GJB7: variants seen among roughly 807,000 people sequenced by gnomAD.
The protein encoded by GJB7 is gap junction beta-7 protein.
For synonymous variants in GJB7, 87 were observed against 95.2 expected (o/e 0.91, Z 0.50); for missense variants, 253 against 256.8 (o/e 0.99, Z 0.10).
chr6:87,325,305 TG>T (rs778250752), intron 1 of GJB7, among the ~76,000 whole-genome samples: 1 of 145,304 alleles, frequency 6.9e-6, no homozygotes, highest in African/African-American at 2.6e-5. Context: ...AACACTATGT[TG>T]AATAGGAGTG....
chr6:87,309,061 C>T (rs1446330501), intron 2 of GJB7, among the ~76,000 whole-genome samples: 1 of 152,154 alleles, frequency 6.6e-6, no homozygotes, highest in Non-Finnish European at 1.5e-5. Context: ...TTGCATGTTT[C>T]CGATTGGCAT....
chr6:87,307,981 G>A (rs1453940445), intron 2 of GJB7, among the ~76,000 whole-genome samples: 1 of 152,210 alleles, frequency 6.6e-6, no homozygotes. Context: ...CAACCCAAAT[G>A]TCCTTCAATG....
intron 2 of GJB7, among the ~76,000 whole-genome samples, chr6:87,286,381 CA>C (rs1354238740): frequency 6.6e-6 from 1 of 152,190 alleles, no homozygotes; most frequent in Non-Finnish European, 1.5e-5. Context: ...TAATTGCCCA[CA>C]AAGTTCTTCA....
rs927207814 is a variant in GJB7, at chr6:87,301,781, G to A, written c.-27-16842C>T. Among the ~76,000 whole-genome samples the A allele has an allele frequency of 2.0e-5, 3 of 152,368 alleles. No individual in the cohort carries two copies. The South Asian group carries it at 6.2e-4, about 32-fold the overall frequency. On this transcript the variant is annotated intron_variant, in intron 2 of 2. Coordinates refer to ENST00000525899, the MANE Select transcript of GJB7 (RefSeq NM_198568.3). ...TAGCCTAACTGGGAGGCATCCCCCAGTAGGGGCAGACTGACACCTCACATG... is the reference window on the plus strand; with the variant it reads ...TAGCCTAACTGGGAGGCATCCCCCAATAGGGGCAGACTGACACCTCACATG...
chr6:87,292,503 G>A (rs1776190950), intron 2 of GJB7, among the ~76,000 whole-genome samples: 1 of 152,106 alleles, frequency 6.6e-6, no homozygotes, highest in African/African-American at 2.4e-5. Context: ...GCAGTAGAGA[G>A]AAGTAAAAAT....
At chr6:87,319,997 G>A (rs564261447) in intron 2 of GJB7, among the ~76,000 whole-genome samples, 17 of 152,232 alleles carry the variant, frequency 1.1e-4, no homozygotes, top group Middle Eastern at 6.8e-3. Flanking sequence ...GTAGAATGAT[G>A]GTTACCAGAG....
chr6:87,301,443 G>A, intron 2 of GJB7, among the ~76,000 whole-genome samples: 1 of 152,288 alleles, frequency 6.6e-6, no homozygotes, highest in Non-Finnish European at 1.5e-5. Context: ...TAGCACAGCA[G>A]TCTGAGATTA....
chr6:87,304,323 T>C (rs1427097398), intron 2 of GJB7, among the ~76,000 whole-genome samples: 1 of 152,090 alleles, frequency 6.6e-6, no homozygotes, highest in African/African-American at 2.4e-5. Context: ...AATGACGCAA[T>C]ATAAAATGAT....
At chr6:87,323,515 A>T (rs1209899089) in intron 1 of GJB7, among the ~76,000 whole-genome samples, 2 of 147,216 alleles carry the variant, frequency 1.4e-5, no homozygotes, top group East Asian at 4.1e-4. Context: ...ATGAGTGAGA[A>T]TATGTGATGT....
intron 2 of GJB7, among the ~76,000 whole-genome samples, chr6:87,291,314 TA>T (rs561716703): frequency 6.6e-6 from 1 of 152,224 alleles, no homozygotes; most frequent in East Asian, 1.9e-4. Flanking sequence ...AATTGTATAT[TA>T]AAAAAATAAT....
chr6:87,303,745 C>T (rs1317424091), intron 2 of GJB7, among the ~76,000 whole-genome samples: 4 of 152,202 alleles, frequency 2.6e-5, no homozygotes, highest in African/African-American at 4.8e-5. Flanking sequence ...CTACGTTGCA[C>T]TTATTCCAAA....
chr6:87,321,167 C>T (rs748407829), intron 2 of GJB7, among the ~76,000 whole-genome samples: 1 of 149,494 alleles, frequency 6.7e-6, no homozygotes, highest in Admixed American at 6.7e-5. Context: ...TGCAGTGAGC[C>T]GAGATCATGC....
chr6:87,317,361 C>G (rs1332304714), intron 2 of GJB7, among the ~76,000 whole-genome samples: 1 of 151,934 alleles, frequency 6.6e-6, no homozygotes, highest in African/African-American at 2.4e-5. Context: ...AAGACCCTGT[C>G]TCAAACAAAC....
intron 2 of GJB7, among the ~76,000 whole-genome samples, chr6:87,311,772 T>A (rs974236995): frequency 1.3e-5 from 2 of 152,206 alleles, no homozygotes; most frequent in Admixed American, 6.5e-5. Context: ...ACTTTATTGT[T>A]CTGCAATCAC....
intron 2 of GJB7, among the ~76,000 whole-genome samples, chr6:87,320,063 C>T (rs1776634084): frequency 6.6e-6 from 1 of 150,404 alleles, no homozygotes; most frequent in South Asian, 2.1e-4. Flanking sequence ...TTAGCGGGTA[C>T]AAAAGTATAG....
rs774378193 is a variant in GJB7 at position 87,284,269 on chromosome 6, A to T, written c.644T>A (p.Leu215Ter). 22 of 1,612,402 alleles carry T rather than the reference A, an allele frequency of 1.4e-5. No homozygotes were observed. The highest frequency in any genetic ancestry group is 1.2e-4 in the Admixed American group (7 of 59,778). ...CFIKCCLQKY[L>*]KKPQVLSV ...CACACTGAGGACTTGAGGTTTTTTT[A>T]AATATTTTTGGAGACAGCACTTAAT... Residue 215 changes from leucine (L) to a stop codon, truncating the protein, a stop_gained, in exon 3 of 3, where the codon TTA (leucine) becomes TAA (stop). Transcript: ENST00000525899. LOFTEE classifies it high-confidence loss of function.
At chr6:87,291,257 T>A (rs1439658074) in intron 2 of GJB7, among the ~76,000 whole-genome samples, 1 of 152,150 alleles carries the variant, frequency 6.6e-6, no homozygotes, top group Non-Finnish European at 1.5e-5. Context: ...TATAGATGCA[T>A]AAGAGCCATA....
intron 2 of GJB7, among the ~76,000 whole-genome samples, chr6:87,288,214 G>C (rs1303744767): frequency 6.6e-6 from 1 of 152,002 alleles, no homozygotes; most frequent in Non-Finnish European, 1.5e-5. Context: ...ATTTTCAAAG[G>C]ATGGAAAGAC....
chr6:87,317,710 C>T lies in GJB7; in HGVS notation c.-28+5156G>A, dbSNP rs1038251159. 2.6e-5 allele frequency among the ~76,000 whole-genome samples: 4 copies of T among 152,020 alleles called. No individual in the cohort carries two copies. The East Asian group carries it at 5.8e-4, about 22-fold the overall frequency. Reference sequence around the variant, plus strand: ...CCTCCCAAAGTGCTGGGATTACAGGCGTGAGCCATGGTGGCCAGCCTCCCT... The same window carrying T: ...CCTCCCAAAGTGCTGGGATTACAGGTGTGAGCCATGGTGGCCAGCCTCCCT... On this transcript the variant is annotated intron_variant, in intron 2 of 2. Transcript: ENST00000525899.
Sources: allele counts gnomAD v4.1 joint callset (sites outside exome capture counted in the v4.1 genomes callset), GRCh38; gene constraint gnomAD v4.1.1; transcripts MANE v1.5; gene names NCBI Gene and HGNC (gene_info 2026-07-23, HGNC 2026-07-21).